The following SOD2 variants were observed in gnomAD, a reference collection of about 807,000 sequenced individuals.
The protein encoded by SOD2 is superoxide dismutase 2, also known as superoxide dismutase [Mn], mitochondrial.
SOD2 carries 11 observed loss-of-function variants against 27.0 expected under a neutral mutation model. The observed-to-expected ratio is 0.41, with a 90% CI of 0.26 to 0.67. SOD2 has a LOEUF of 0.67. Ranked by LOEUF, SOD2 falls within the 30% of genes least tolerant of loss-of-function variation. SOD2 has a pLI of 0.34. For synonymous variants in SOD2, 105 were observed against 103.0 expected (o/e 1.02, Z -0.12); for missense variants, 250 against 274.5 (o/e 0.91, Z 0.63).
rs1215109196 is a variant in SOD2, at chr6:159,693,231, C to T, written c.-64G>A. On this transcript the variant is annotated 5_prime_UTR_variant, in exon 1 of 5. The change creates a new upstream start codon in the 5' untranslated region. Coordinates refer to ENST00000538183, the MANE Select transcript of SOD2 (RefSeq NM_000636.4). ...GCTGAAGCCGCTGCCGAAGCCACCA[C>T]AGCCACGAGTGCCGCTCCTGCGCCG... 2.8e-6 allele frequency: 4 copies of T among 1,452,466 alleles called. No individual in the cohort carries two copies. The highest frequency in any genetic ancestry group is 4.3e-5 in the Admixed American group (2 of 46,668). The allele number at this position is 1,452,466 out of a possible 1,614,324, so 90.0% of individuals were successfully genotyped here.
chr6:159,719,452 A>G (rs1006949145), intron 1 of SOD2, among the ~76,000 whole-genome samples: 2 of 151,742 alleles, frequency 1.3e-5, no homozygotes, highest in African/African-American at 4.8e-5. Flanking sequence ...CGCTTGAACC[A>G]AGGAGGCGGA....
chr6:159,754,213 C>A (rs1779922676), intron 1 of SOD2, among the ~76,000 whole-genome samples: 1 of 152,162 alleles, frequency 6.6e-6, no homozygotes, highest in Non-Finnish European at 1.5e-5. Context: ...TGGTTAATTG[C>A]AAAGATGATC....
chr6:159,726,530 G>C lies in SOD2; in HGVS notation c.-116+599C>G, dbSNP rs541645012. On this transcript the variant is annotated intron_variant, in intron 1 of 2. Coordinates refer to the SOD2 transcript ENST00000401980. ...AAAGAATTACGTGCTCTTCTAGTAA[G>C]TGTTTAGAGACTGTTTCACGTTCTC... is the stretch of plus-strand genomic sequence containing the variant. 1.8e-5 allele frequency: 6 copies of C among 333,514 alleles called. No individual in the cohort carries two copies. In the East Asian group the frequency reaches 4.3e-4, roughly 24 times the overall value. 20.7% of individuals were successfully genotyped at this position (333,514 alleles called of 1,614,324 possible).
At chr6:159,685,121 T>C (rs1277498187) in intron 3 of SOD2, 88 bp from the exon 4 acceptor site, 3 of 930,696 alleles carry the variant, frequency 3.2e-6, no homozygotes, top group Non-Finnish European at 4.4e-6. Flanking sequence ...TTAAAATATT[T>C]TTGTCATAGG....
At chr6:159,762,049 T>C in exon 1 of SOD2, 1 of 1,609,218 alleles carries the variant, frequency 6.2e-7, no homozygotes. Flanking sequence ...TTGCCTAGCT[T>C]GCAGGCAGCG....
At chr6:159,687,311 C>G (rs532205332) in intron 3 of SOD2, among the ~76,000 whole-genome samples, 7 of 151,792 alleles carry the variant, frequency 4.6e-5, no homozygotes, top group Non-Finnish European at 8.8e-5. Flanking sequence ...ATGGTGAAAC[C>G]CTGTCTCTAC....
intron 1 of SOD2, among the ~76,000 whole-genome samples, chr6:159,750,642 C>T (rs1779783607): frequency 6.6e-6 from 1 of 152,030 alleles, no homozygotes; most frequent in African/African-American, 2.4e-5. Context: ...TACTTGGTCT[C>T]TTTGGCATTT....
chr6:159,708,476 C>A (rs1171430248), intron 1 of SOD2, among the ~76,000 whole-genome samples: 1 of 152,186 alleles, frequency 6.6e-6, no homozygotes, highest in African/African-American at 2.4e-5. Context: ...ACATCAATAA[C>A]AGACAAACGG....
intron 1 of SOD2, chr6:159,726,880 C>T: frequency 7.8e-7 from 1 of 1,289,202 alleles, no homozygotes; most frequent in Non-Finnish European, 1.0e-6. Flanking sequence ...AGTAAACGCC[C>T]GCGGCTCGCC....
chr6:159,689,282 G>A (rs1780339533), intron 2 of SOD2, among the ~76,000 whole-genome samples: 1 of 152,050 alleles, frequency 6.6e-6, no homozygotes, highest in South Asian at 2.1e-4. Flanking sequence ...CCTCCTTCAA[G>A]TCTCCACTGA....
At chr6:159,729,618 C>T (rs933249168), upstream of SOD2, among the ~76,000 whole-genome samples, 7 of 152,168 alleles carry the variant, frequency 4.6e-5, no homozygotes, top group Admixed American at 1.3e-4. Flanking sequence ...TTAATATTTG[C>T]AGCACTTTGT....
At position 159,682,599 on chromosome 6, in the gene SOD2, G is replaced by A. The variant is rs1294397780; in HGVS notation, c.563C>T (p.Ala188Val). The A allele has an allele frequency of 3.7e-6, 6 of 1,613,726 alleles. No homozygotes were observed. The highest frequency in any genetic ancestry group is 5.1e-6 in the Non-Finnish European group (6 of 1,179,922). ...GACATTTTTATACTGAAGGTAGTAA[G>A]CGTGCTCCCACACATCAATCCCCAG... ...PLLGIDVWEH[A>V]YYLQYKNVRP... is the part of the protein sequence containing the mutation. Residue 188 changes from alanine (A) to valine (V), a missense_variant, in exon 5 of 5, where the codon GCT becomes GTT. By Grantham distance (64) the Ala-to-Val change is moderately conservative. Coordinates refer to ENST00000538183, the MANE Select transcript of SOD2 (RefSeq NM_000636.4).
chr6:159,738,217 T>C (rs1283918117), intron 1 of SOD2, among the ~76,000 whole-genome samples: 3 of 152,240 alleles, frequency 2.0e-5, no homozygotes, highest in African/African-American at 7.2e-5. Context: ...CATCGAGTTA[T>C]TCTTTTATAG....
At position 159,670,399 on chromosome 6, in the gene SOD2, T is replaced by C. The variant is rs896262231; in HGVS notation, c.*12094A>G. 9 of 152,214 alleles carry C rather than the reference T, an allele frequency of 5.9e-5. No homozygotes were observed. Among genetic ancestry groups the C allele is most frequent in the African/African-American group, 1.9e-4 (8 of 41,448 alleles). The allele number at this position is 152,214 out of a possible 1,614,324, so 9.4% of individuals were successfully genotyped here. On this transcript the variant is annotated 3_prime_UTR_variant, in exon 5 of 5. Coordinates refer to ENST00000538183, the MANE Select transcript of SOD2 (RefSeq NM_000636.4). ...AGGAGCTAAAAGATTCATTTGTTTT[T>C]TTCCTCCAGGCATCCACTCTGAGCC... is the stretch of plus-strand genomic sequence containing the variant.
chr6:159,720,355 G>A (rs1778011353), intron 1 of SOD2: 1 of 152,160 alleles, frequency 6.6e-6, no homozygotes, highest in Non-Finnish European at 1.5e-5. Context: ...CAGCCTGTAT[G>A]TACTTTTTAA....
At chr6:159,762,276 A>G in exon 1 of SOD2, 4 of 1,293,872 alleles carry the variant, frequency 3.1e-6, no homozygotes, top group Admixed American at 2.7e-5. Flanking sequence ...GAGCCGCGGG[A>G]TCCCTGGAAC....
At chr6:159,726,075 C>T (rs1238302461) in intron 1 of SOD2, 2 of 152,156 alleles carry the variant, frequency 1.3e-5, no homozygotes, top group Non-Finnish European at 2.9e-5. Flanking sequence ...GGAGCTGCAC[C>T]TTCAGAATAA....
upstream of SOD2, among the ~76,000 whole-genome samples, chr6:159,731,657 G>T (rs1477546765): frequency 6.6e-6 from 1 of 152,160 alleles, no homozygotes; most frequent in Non-Finnish European, 1.5e-5. Flanking sequence ...ATGGGGAGAA[G>T]AAACTATTAA....
chr6:159,726,494 C>G (rs1030860350), intron 1 of SOD2: 1 of 301,370 alleles, frequency 3.3e-6, no homozygotes, highest in African/African-American at 2.2e-5. Context: ...CGGCTAAGGA[C>G]AGACCAATCA....
Sources: allele counts gnomAD v4.1 joint callset (sites outside exome capture counted in the v4.1 genomes callset), GRCh38; gene constraint gnomAD v4.1.1; transcripts MANE v1.5; gene names NCBI Gene and HGNC (gene_info 2026-07-23, HGNC 2026-07-21).